Variants in TOP6BL observed in about 807,000 individuals in gnomAD.
TOP6BL encodes the protein type 2 DNA topoisomerase 6 subunit B-like.
the TOP6BL span, among the ~76,000 whole-genome samples, chr11:66,774,106 G>C: frequency 2.0e-5 from 3 of 151,912 alleles, no homozygotes; most frequent in Non-Finnish European, 4.4e-5. Flanking sequence ...GTTTATTTTT[G>C]TTTTGCTTTG....
chr11:66,836,849 C>T, the TOP6BL span, among the ~76,000 whole-genome samples: 3 of 150,966 alleles, frequency 2.0e-5, no homozygotes, highest in Non-Finnish European at 3.0e-5. Context: ...TACAGGTGTG[C>T]GCCACCACGC....
At chr11:66,785,980 C>G in the TOP6BL span, among the ~76,000 whole-genome samples, 1 of 152,120 alleles carries the variant, frequency 6.6e-6, no homozygotes, top group Non-Finnish European at 1.5e-5. Flanking sequence ...AAGAAGAACA[C>G]CTTTCCATTT....
At chr11:66,747,450 A>C in the TOP6BL span, among the ~76,000 whole-genome samples, 1 of 149,668 alleles carries the variant, frequency 6.7e-6, no homozygotes, top group African/African-American at 2.5e-5. Flanking sequence ...GGCTCAAGCG[A>C]TTCTCCCACC....
At chr11:66,819,665 GC>G in the TOP6BL span, among the ~76,000 whole-genome samples, 1 of 151,830 alleles carries the variant, frequency 6.6e-6, no homozygotes, top group Non-Finnish European at 1.5e-5. Context: ...ACTTTGGGAG[GC>G]CGAGGCGGGC....
the TOP6BL span, among the ~76,000 whole-genome samples, chr11:66,809,575 ATTGT>A: frequency 2.6e-5 from 4 of 152,238 alleles, no homozygotes; most frequent in Non-Finnish European, 4.4e-5. Flanking sequence ...CAGTGGCATG[ATTGT>A]TAGTAATAAT....
chr11:66,756,254 G>T, the TOP6BL span: 1 of 1,046,466 alleles, frequency 9.6e-7, no homozygotes, highest in African/African-American at 1.7e-5. Context: ...CTATAGGTCT[G>T]TTCAGGACCT....
At chr11:66,751,056 C>T in the TOP6BL span, among the ~76,000 whole-genome samples, 3 of 151,942 alleles carry the variant, frequency 2.0e-5, no homozygotes, top group Non-Finnish European at 4.4e-5. Flanking sequence ...TACTCTGTCA[C>T]CCAGGCTGGA....
At chr11:66,744,843 CGGG>C in the TOP6BL span, 1 of 1,323,132 alleles carries the variant, frequency 7.6e-7, no homozygotes, top group Non-Finnish European at 9.7e-7. Context: ...GCGGCGGCGG[CGGG>C]CGGGTACCCT....
the TOP6BL span, among the ~76,000 whole-genome samples, chr11:66,783,999 TGTTTTTGTTTTTTTTG>T: frequency 6.6e-6 from 1 of 151,986 alleles, no homozygotes; most frequent in South Asian, 2.1e-4. Flanking sequence ...TTAATTTTTT[TGTTTTTGTTTTTTTTG>T]GTTTTTGTTT....
chr11:66,764,914 G>A, the TOP6BL span, among the ~76,000 whole-genome samples: 4 of 151,984 alleles, frequency 2.6e-5, no homozygotes, highest in African/African-American at 9.7e-5. Flanking sequence ...TCTGCAGTGA[G>A]CTGTGATTGC....
At chr11:66,776,542 C>G in the TOP6BL span, among the ~76,000 whole-genome samples, 1 of 152,074 alleles carries the variant, frequency 6.6e-6, no homozygotes, top group Non-Finnish European at 1.5e-5. Flanking sequence ...AATCCCAGCA[C>G]TTTGGGAGGT....
At chr11:66,819,400 C>G in the TOP6BL span, among the ~76,000 whole-genome samples, 5 of 152,276 alleles carry the variant, frequency 3.3e-5, no homozygotes, top group East Asian at 7.7e-4. Context: ...TAAAACCAAA[C>G]TATGGAAAAT....
the TOP6BL span, among the ~76,000 whole-genome samples, chr11:66,782,975 T>G: frequency 2.0e-5 from 3 of 152,124 alleles, no homozygotes; most frequent in East Asian, 3.9e-4. Context: ...GGTGGTTTGT[T>G]TAGTGGTTAT....
the TOP6BL span, among the ~76,000 whole-genome samples, chr11:66,821,041 C>T: frequency 1.9e-3 from 293 of 152,300 alleles, 1 homozygote; most frequent in African/African-American, 6.3e-3. Flanking sequence ...TATCCTCGCT[C>T]ATGGTTAATC....
At chr11:66,797,470 T>A in the TOP6BL span, among the ~76,000 whole-genome samples, 1 of 152,210 alleles carries the variant, frequency 6.6e-6, no homozygotes, top group Non-Finnish European at 1.5e-5. Flanking sequence ...CCTTGCTGTT[T>A]ATCTCCTTTT....
chr11:66,762,173 GCTTTGTCTC>G, the TOP6BL span: 1 of 786,428 alleles, frequency 1.3e-6, no homozygotes, highest in Non-Finnish European at 2.2e-6. Context: ...ATCAATCAAA[GCTTTGTCTC>G]CTTCGCACGC....
the TOP6BL span, among the ~76,000 whole-genome samples, chr11:66,752,072 A>C: frequency 6.7e-6 from 1 of 150,266 alleles, no homozygotes; most frequent in Non-Finnish European, 1.5e-5. Context: ...TCTTCCCTTC[A>C]TCATTATTCA....
At chr11:66,803,819 A>C in the TOP6BL span, among the ~76,000 whole-genome samples, 1 of 152,214 alleles carries the variant, frequency 6.6e-6, no homozygotes, top group Non-Finnish European at 1.5e-5. Flanking sequence ...TTTTTCTACT[A>C]CTTCCATTGC....
chr11:66,762,199 C>G, the TOP6BL span: 13 of 691,994 alleles, frequency 1.9e-5, no homozygotes, highest in Non-Finnish European at 3.4e-5. Context: ...ACGCCACACC[C>G]ACAGCCGGAG....
Sources: gnomAD v4.1 joint callset for allele counts (sites outside exome capture counted in the v4.1 genomes callset) on GRCh38, gnomAD v4.1.1 for gene constraint, MANE v1.5 for transcripts, NCBI Gene and HGNC (gene_info 2026-07-23, HGNC 2026-07-21) for gene names.